The following LIN7A variants were observed in gnomAD, a reference collection of about 807,000 sequenced individuals.
LIN7A encodes lin-7 cell polarity scaffold A.
Under a neutral mutation model 29.8 loss-of-function variants are expected in LIN7A, and 25 were observed. That is an observed-to-expected ratio of 0.84 (90% CI 0.61 to 1.17). The LOEUF (loss-of-function observed/expected upper bound fraction) is 1.17. LIN7A is among the 50% of genes most tolerant of loss of function. The pLI is 0.00. For synonymous variants in LIN7A, 118 were observed against 107.5 expected (o/e 1.10, Z -0.60); for missense variants, 239 against 287.0 (o/e 0.83, Z 1.21).
At chr12:80,808,507 C>CTTTTTTTTTTTTTT (rs200750392) in intron 5 of LIN7A, among the ~76,000 whole-genome samples, 1 of 137,414 alleles carries the variant, frequency 7.3e-6, no homozygotes, top group Non-Finnish European at 1.6e-5. Context: ...TTTCTTTTTT[C>CTTTTTTTTTTTTTT]TTTTTTTTTT....
chr12:80,849,412 C>A (rs772847029), intron 2 of LIN7A, among the ~76,000 whole-genome samples: 45 of 152,142 alleles, frequency 3.0e-4, no homozygotes, highest in Non-Finnish European at 6.2e-4. Context: ...CCCTGCCCTG[C>A]TTCTCTTGTA....
intron 2 of LIN7A, among the ~76,000 whole-genome samples, chr12:80,864,696 T>C (rs1384249699): frequency 6.6e-6 from 1 of 152,164 alleles, no homozygotes; most frequent in East Asian, 1.9e-4. Context: ...AATTATAGTA[T>C]GGAAAAAGGC....
intron 1 of LIN7A, 137 bp from the exon 2 acceptor site, chr12:80,889,506 G>T: frequency 1.7e-6 from 1 of 605,676 alleles, no homozygotes; most frequent in Non-Finnish European, 2.9e-6. Context: ...TATATTCATA[G>T]CTTTTTGGTC....
chr12:80,932,195 T>A (rs934795284), intron 1 of LIN7A, among the ~76,000 whole-genome samples: 2 of 152,202 alleles, frequency 1.3e-5, no homozygotes, highest in African/African-American at 4.8e-5. Context: ...AGAGAAAAAT[T>A]GTAATGTATC....
At chr12:80,890,861 G>T (rs539753973) in intron 1 of LIN7A, among the ~76,000 whole-genome samples, 2 of 152,136 alleles carry the variant, frequency 1.3e-5, no homozygotes, top group South Asian at 4.2e-4. Flanking sequence ...TGCACTACTG[G>T]ACTCCAGCCT....
intron 1 of LIN7A, among the ~76,000 whole-genome samples, chr12:80,895,604 A>G (rs1004089647): frequency 2.0e-4 from 31 of 152,318 alleles, no homozygotes; most frequent in Admixed American, 1.6e-3. Context: ...TGAAAAGAGA[A>G]TGCACTTCTT....
At chr12:80,823,975 C>T (rs116891908) in intron 4 of LIN7A, among the ~76,000 whole-genome samples, 14,855 of 152,020 alleles carry the variant, frequency 0.098, 790 homozygotes, top group East Asian at 0.19. Flanking sequence ...ACTAGAGAAA[C>T]AAGAACAATC....
At chr12:80,864,381 T>C (rs1406055330) in intron 2 of LIN7A, among the ~76,000 whole-genome samples, 2 of 151,972 alleles carry the variant, frequency 1.3e-5, no homozygotes, top group African/African-American at 4.8e-5. Flanking sequence ...GCAAAAATGA[T>C]GTGGAGAAAA....
At position 80,793,682 on chromosome 12, in the gene LIN7A, G is replaced by A. The variant is rs1362552162; in HGVS notation, c.*4045C>T. ...AAGTATGTGATTAAACTTCAGCTTA[G>A]TGTATTCCAGGAATCAAATATGAAA... On this transcript the variant is annotated 3_prime_UTR_variant, in exon 6 of 6. Transcript: ENST00000552864. The A allele has an allele frequency of 6.6e-6, 1 of 152,128 alleles. No homozygotes were observed. The highest frequency in any genetic ancestry group is 2.4e-5 in the African/African-American group (1 of 41,438). 9.4% of individuals were successfully genotyped at this position (152,128 alleles called of 1,614,324 possible). A position where few individuals can be genotyped will look rare whatever the true frequency, so the allele number is the denominator to read the frequency against.
In LIN7A at chr12:80,922,701, T is replaced by C. The variant is rs1877377380; in HGVS notation, c.82+14940A>G. Among the ~76,000 whole-genome samples, 4 of 152,206 alleles carry C rather than the reference T, an allele frequency of 2.6e-5. No homozygotes were observed. The South Asian group carries it at 8.3e-4, about 32-fold the overall frequency. Reference sequence around the variant, plus strand: ...TTATCCTCAGTTTCGATTTCTGTGGTTATGGTTACCTGCAGTCAATCTCTG... The same window carrying C: ...TTATCCTCAGTTTCGATTTCTGTGGCTATGGTTACCTGCAGTCAATCTCTG... On this transcript the variant is annotated intron_variant, in intron 1 of 5. Transcript: ENST00000552864.
At chr12:80,891,405 C>G (rs1322434901) in intron 1 of LIN7A, among the ~76,000 whole-genome samples, 1 of 152,198 alleles carries the variant, frequency 6.6e-6, no homozygotes, top group Admixed American at 6.5e-5. Flanking sequence ...TCTCAGAACA[C>G]CTCCTCCTGT....
chr12:80,858,220 C>T (rs147073101), intron 2 of LIN7A, among the ~76,000 whole-genome samples: 111 of 152,170 alleles, frequency 7.3e-4, no homozygotes, highest in East Asian at 7.7e-4. Flanking sequence ...TTTATAGTTT[C>T]AAAACTAATT....
intron 4 of LIN7A, among the ~76,000 whole-genome samples, chr12:80,836,440 C>T (rs765079282): frequency 3.9e-5 from 6 of 152,132 alleles, no homozygotes; most frequent in African/African-American, 1.4e-4. Context: ...GTGGATTGCT[C>T]GAGCTCAGGA....
chr12:80,921,456 TACCTGACGAGGG>T (rs1877297739), intron 1 of LIN7A, among the ~76,000 whole-genome samples: 1 of 146,932 alleles, frequency 6.8e-6, no homozygotes, highest in Non-Finnish European at 1.5e-5. Context: ...CAGCAGATTC[TACCTGACGAGGG>T]TCTTCTTCTG....
intron 2 of LIN7A, among the ~76,000 whole-genome samples, chr12:80,862,141 C>T (rs192681862): frequency 1.3e-5 from 2 of 152,150 alleles, no homozygotes; most frequent in Non-Finnish European, 2.9e-5. Flanking sequence ...TCAACTATCA[C>T]CAAGTCCTTC....
intron 1 of LIN7A, among the ~76,000 whole-genome samples, chr12:80,912,713 C>A (rs1302133244): frequency 1.3e-3 from 182 of 135,252 alleles, no homozygotes; most frequent in African/African-American, 3.2e-3. Context: ...AGACTTGTCT[C>A]AAAAAAAAAA....
chr12:80,879,645 CAAAAAAAAAAAAAAA>C (rs530877505), intron 2 of LIN7A, among the ~76,000 whole-genome samples: 5 of 58,732 alleles, frequency 8.5e-5, no homozygotes, highest in African/African-American at 2.7e-4. Context: ...TGGAGCAGCC[CAAAAAAAAAAAAAAA>C]AAAAAAAAAA....
intron 2 of LIN7A, among the ~76,000 whole-genome samples, chr12:80,870,025 G>A (rs1874349244): frequency 6.6e-6 from 1 of 152,056 alleles, no homozygotes; most frequent in Admixed American, 6.6e-5. Flanking sequence ...AGAAAGATAT[G>A]GTATATTTAA....
intron 1 of LIN7A, among the ~76,000 whole-genome samples, chr12:80,911,008 A>G (rs1876719472): frequency 6.6e-6 from 1 of 152,186 alleles, no homozygotes; most frequent in Admixed American, 6.5e-5. Context: ...AAACTGTCAA[A>G]GCAGGAATTA....
Sources: gnomAD v4.1 joint callset for allele counts (sites outside exome capture counted in the v4.1 genomes callset) on GRCh38, gnomAD v4.1.1 for gene constraint, MANE v1.5 for transcripts, NCBI Gene and HGNC (gene_info 2026-07-23, HGNC 2026-07-21) for gene names.